The following TUSC3 variants were observed in gnomAD, a reference collection of about 807,000 sequenced individuals.
TUSC3 encodes dolichyl-diphosphooligosaccharide--protein glycosyltransferase subunit TUSC3.
A neutral mutation model predicts 44.8 loss-of-function variants in TUSC3; 45 were observed. The observed-to-expected ratio is 1.00, with a 90% CI of 0.79 to 1.29. TUSC3 has a LOEUF of 1.29. Ranked by LOEUF, TUSC3 falls within the 50% of genes most tolerant of loss-of-function variation. TUSC3 has a pLI of 0.00. For synonymous variants in TUSC3, 212 were observed against 152.9 expected (o/e 1.39, Z -2.85); for missense variants, 519 against 437.9 (o/e 1.19, Z -1.65).
At chr8:15,770,737 C>T (rs1274887248), downstream of TUSC3, among the ~76,000 whole-genome samples, 2 of 151,992 alleles carry the variant, frequency 1.3e-5, no homozygotes, top group Admixed American at 6.6e-5. Context: ...ATGATCCAGT[C>T]TGAGGAGGAG....
chr8:15,693,777 C>T (rs542422056), intron 6 of TUSC3, among the ~76,000 whole-genome samples: 17 of 152,174 alleles, frequency 1.1e-4, no homozygotes, highest in African/African-American at 3.9e-4. Context: ...ACAGGGACAC[C>T]AGTGAGTCGT....
intron 1 of TUSC3, among the ~76,000 whole-genome samples, chr8:15,417,459 A>T (rs1799674179): frequency 6.6e-6 from 1 of 152,218 alleles, no homozygotes; most frequent in South Asian, 2.1e-4. Flanking sequence ...CATGGACTAA[A>T]TGAGATCAGG....
chr8:15,540,395 G>C lies in TUSC3; in HGVS notation c.-36G>C. The C allele has an allele frequency of 6.5e-7, 1 of 1,527,884 alleles. No individual in the cohort carries two copies. 94.6% of individuals were successfully genotyped at this position (1,527,884 alleles called of 1,614,324 possible). On this transcript the variant is annotated 5_prime_UTR_variant, in exon 1 of 11. Transcript: ENST00000503731. ...TGCGCGGTAGGAGCTGGGCGCGCAC[G>C]GCTACCGCGCGTGGAGGAGACACTG...
chr8:15,521,675 C>T (rs1801301854), intron 2 of TUSC3, among the ~76,000 whole-genome samples: 1 of 152,158 alleles, frequency 6.6e-6, no homozygotes, highest in African/African-American at 2.4e-5. Context: ...TGTTGGGCTG[C>T]ATTCAAAATT....
rs770272071 is a variant in TUSC3 at position 15,540,517 on chromosome 8, CCTGCTG to C, written c.96_101del (p.Leu33_Leu34del). The stretch of plus-strand genomic sequence containing the variant: ...CCACCGGGAGCTTTCCCTTCCTTCT[CCTGCTG>C]CTGCTGCTCTGCATCCAGCTCGGGG... On this transcript the variant is annotated inframe_deletion, in exon 1 of 11. Coordinates refer to ENST00000503731, the MANE Select transcript of TUSC3 (RefSeq NM_006765.4). 14 of 1,607,586 alleles carry C rather than the reference CCTGCTG, an allele frequency of 8.7e-6. No homozygotes were observed. Among genetic ancestry groups the C allele is most frequent in the East Asian group, 2.3e-5 (1 of 44,374 alleles).
chr8:15,459,147 C>T (rs1483663473), intron 1 of TUSC3, among the ~76,000 whole-genome samples: 3 of 152,094 alleles, frequency 2.0e-5, no homozygotes, highest in South Asian at 4.1e-4. Context: ...GCAAATATGA[C>T]AAAAGTGACA....
chr8:15,625,346 T>C (rs1029549126), intron 2 of TUSC3, among the ~76,000 whole-genome samples: 1 of 152,212 alleles, frequency 6.6e-6, no homozygotes, highest in African/African-American at 2.4e-5. Flanking sequence ...CAGGGTAATA[T>C]TGTACTCATA....
In TUSC3 at chr8:15,766,182, T is replaced by TA. The variant is rs1487773001; in HGVS notation, c.*2031dup. On this transcript the variant is annotated 3_prime_UTR_variant, in exon 11 of 11. Coordinates refer to ENST00000503731, the MANE Select transcript of TUSC3 (RefSeq NM_006765.4). ...ATTTTTTTTTCAGAATTTCATGCTT[T>TA]AAAAAGCTGTGGCTTCTCTATAGAC... The TA allele has an allele frequency of 3.3e-5, 5 of 152,064 alleles. No individual in the cohort carries two copies. Among genetic ancestry groups the TA allele is most frequent in the African/African-American group, 1.2e-4 (5 of 41,420 alleles). The allele number at this position is 152,064 out of a possible 1,614,324, so 9.4% of individuals were successfully genotyped here.
chr8:15,767,138 T>A (rs901746281), downstream of TUSC3, among the ~76,000 whole-genome samples: 2 of 152,152 alleles, frequency 1.3e-5, no homozygotes, highest in African/African-American at 4.8e-5. Context: ...GGTACAAGTA[T>A]GCATTCATTA....
chr8:15,760,114 A>G (rs968399884), intron 10 of TUSC3, among the ~76,000 whole-genome samples: 2 of 152,170 alleles, frequency 1.3e-5, no homozygotes, highest in African/African-American at 4.8e-5. Context: ...ATTTTAAGAT[A>G]TGCGCTGATC....
At chr8:15,565,953 A>G (rs746874802) in intron 1 of TUSC3, among the ~76,000 whole-genome samples, 5 of 152,176 alleles carry the variant, frequency 3.3e-5, no homozygotes, top group Non-Finnish European at 7.4e-5. Context: ...AGCTTAATTC[A>G]TTCTTACTAA....
At chr8:15,526,167 T>G (rs1412104071) in intron 2 of TUSC3, among the ~76,000 whole-genome samples, 2 of 151,904 alleles carry the variant, frequency 1.3e-5, no homozygotes, top group South Asian at 2.1e-4. Flanking sequence ...CGAGTAGCTG[T>G]GACTACAGGC....
chr8:15,598,648 C>G (rs931107143), intron 1 of TUSC3, among the ~76,000 whole-genome samples: 12 of 151,768 alleles, frequency 7.9e-5, no homozygotes, highest in African/African-American at 2.9e-4. Flanking sequence ...TTACTGTCTT[C>G]ATAGTTTTGC....
intron 2 of TUSC3, among the ~76,000 whole-genome samples, chr8:15,517,048 T>A (rs530763132): frequency 6.6e-6 from 1 of 152,306 alleles, no homozygotes; most frequent in Admixed American, 6.5e-5. Context: ...TAGATCCTTT[T>A]GTGCCTTTAT....
chr8:15,626,832 G>A (rs1805531116), intron 2 of TUSC3, among the ~76,000 whole-genome samples: 2 of 152,230 alleles, frequency 1.3e-5, no homozygotes, highest in African/African-American at 2.4e-5. Flanking sequence ...TGGCTGAGGG[G>A]GGCCCTGAGG....
At chr8:15,534,643 T>TA (rs11385742) in intron 2 of TUSC3, among the ~76,000 whole-genome samples, 48,351 of 129,660 alleles carry the variant, frequency 0.37, 8,755 homozygotes, top group Admixed American at 0.47. Flanking sequence ...ACTCGGTCTT[T>TA]AAAAAAAAAA....
At chr8:15,463,687 A>G (rs1273294974) in intron 1 of TUSC3, among the ~76,000 whole-genome samples, 1 of 152,150 alleles carries the variant, frequency 6.6e-6, no homozygotes, top group Non-Finnish European at 1.5e-5. Flanking sequence ...AAGTTAAATT[A>G]TCTTTTTCAT....
chr8:15,683,629 C>T (rs763417830), intron 6 of TUSC3, among the ~76,000 whole-genome samples: 1 of 152,050 alleles, frequency 6.6e-6, no homozygotes, highest in Admixed American at 6.5e-5. Flanking sequence ...GAATTTATAT[C>T]TTTAATTTCA....
chr8:15,831,019 T>C, the TUSC3 span, among the ~76,000 whole-genome samples: 2 of 151,812 alleles, frequency 1.3e-5, no homozygotes, highest in African/African-American at 4.8e-5. Flanking sequence ...TATCGTACTA[T>C]GAAATGCTTT....
Sources: gnomAD v4.1 joint callset for allele counts (sites outside exome capture counted in the v4.1 genomes callset) on GRCh38, gnomAD v4.1.1 for gene constraint, MANE v1.5 for transcripts, NCBI Gene and HGNC (gene_info 2026-07-23, HGNC 2026-07-21) for gene names.